Variants in LRRC37A2 observed in about 807,000 individuals in gnomAD.
The protein encoded by LRRC37A2 is leucine-rich repeat-containing protein 37A2.
A neutral mutation model predicts 68.8 loss-of-function variants in LRRC37A2; 9 were observed. The ratio of observed to expected loss-of-function variants is 0.13; its 90% confidence interval spans 0.08 to 0.23. The LOEUF (loss-of-function observed/expected upper bound fraction) is 0.23, where lower values mean the gene tolerates loss of function less well. LRRC37A2 is among the 10% of genes least tolerant of loss of function. The pLI is 1.00. For synonymous variants in LRRC37A2, 63 were observed against 367.6 expected (o/e 0.17, Z 9.48); for missense variants, 168 against 950.4 (o/e 0.18, Z 10.82).
At chr17:46,786,972 C>G in the LRRC37A2 span, among the ~76,000 whole-genome samples, 1 of 150,492 alleles carries the variant, frequency 6.6e-6, no homozygotes, top group Non-Finnish European at 1.5e-5. Flanking sequence ...GGGTCTCACT[C>G]TGTCACACAG....
chr17:46,758,442 G>A, the LRRC37A2 span, among the ~76,000 whole-genome samples: 1 of 152,234 alleles, frequency 6.6e-6, no homozygotes, highest in African/African-American at 2.4e-5. Context: ...TGAGATTACA[G>A]AACGGCCTGT....
the LRRC37A2 span, chr17:46,924,606 C>T: frequency 2.5e-4 from 38 of 152,296 alleles, no homozygotes; most frequent in African/African-American, 8.2e-4. Context: ...TCCTCTTTCT[C>T]TTTCATTTTC....
chr17:46,792,145 C>T, the LRRC37A2 span, among the ~76,000 whole-genome samples: 12 of 152,242 alleles, frequency 7.9e-5, no homozygotes, highest in Admixed American at 2.0e-4. Context: ...GTGTTCGACA[C>T]AAAAGGCAAA....
chr17:46,732,695 A>G, the LRRC37A2 span, among the ~76,000 whole-genome samples: 1 of 152,178 alleles, frequency 6.6e-6, no homozygotes, highest in Non-Finnish European at 1.5e-5. Flanking sequence ...TTTAAAACCA[A>G]TTAAAAGCTT....
At chr17:46,931,815 C>T in the LRRC37A2 span, 1 of 556,118 alleles carries the variant, frequency 1.8e-6, no homozygotes, top group Non-Finnish European at 3.2e-6. Flanking sequence ...TGTCATGCAT[C>T]CAGAATCAGA....
At chr17:46,696,357 C>T in the LRRC37A2 span, among the ~76,000 whole-genome samples, 26 of 140,816 alleles carry the variant, frequency 1.8e-4, 3 homozygotes, top group Admixed American at 7.4e-4. Flanking sequence ...TTAAGCTGCC[C>T]TCAGTCTAAC....
the LRRC37A2 span, chr17:46,940,422 T>C: frequency 6.3e-7 from 1 of 1,598,220 alleles, no homozygotes; most frequent in South Asian, 1.1e-5. Context: ...TAGATCTGTC[T>C]AACTCTGGGG....
chr17:46,942,930 G>A, the LRRC37A2 span, among the ~76,000 whole-genome samples: 5 of 152,010 alleles, frequency 3.3e-5, no homozygotes, highest in Non-Finnish European at 5.9e-5. Flanking sequence ...ATCCCTCCCC[G>A]CCTCATCCCC....
chr17:46,970,648 C>T, the LRRC37A2 span, among the ~76,000 whole-genome samples: 3 of 151,928 alleles, frequency 2.0e-5, no homozygotes, highest in Admixed American at 6.6e-5. Flanking sequence ...AGCCTGTCTG[C>T]GAGGCAGGGG....
At chr17:46,819,657 C>T in the LRRC37A2 span, among the ~76,000 whole-genome samples, 1 of 152,222 alleles carries the variant, frequency 6.6e-6, no homozygotes, top group African/African-American at 2.4e-5. This position sits in a 1 kb window ranked among gnomAD's most constrained non-coding sequence, Gnocchi z 5.3. Flanking sequence ...GCCTGAGGCC[C>T]CGGTTCTACT....
the LRRC37A2 span, among the ~76,000 whole-genome samples, chr17:46,724,416 C>T: frequency 6.6e-6 from 1 of 152,136 alleles, no homozygotes; most frequent in Admixed American, 6.5e-5. Flanking sequence ...AATAGAGGCC[C>T]CGCCTTACAT....
the LRRC37A2 span, chr17:46,830,580 A>G: frequency 2.5e-6 from 1 of 398,352 alleles, no homozygotes; most frequent in East Asian, 3.6e-5. Context: ...ATCAGAGTAC[A>G]TGGCATAACC....
At chr17:46,945,536 C>G in the LRRC37A2 span, among the ~76,000 whole-genome samples, 7 of 152,314 alleles carry the variant, frequency 4.6e-5, no homozygotes, top group East Asian at 1.4e-3. Flanking sequence ...AGTTTCCTGT[C>G]TGTATTCAGC....
chr17:46,947,737 C>G, the LRRC37A2 span, among the ~76,000 whole-genome samples: 1 of 152,132 alleles, frequency 6.6e-6, no homozygotes, highest in South Asian at 2.1e-4. Context: ...GCAAAAGTGC[C>G]TGTATTTGAG....
At chr17:46,991,266 G>C in the LRRC37A2 span, among the ~76,000 whole-genome samples, 1 of 152,080 alleles carries the variant, frequency 6.6e-6, no homozygotes, top group Non-Finnish European at 1.5e-5. Flanking sequence ...CCAACAGAAT[G>C]ACTTCTTATC....
chr17:46,711,130 A>G, the LRRC37A2 span: 13 of 1,492,896 alleles, frequency 8.7e-6, no homozygotes, highest in Middle Eastern at 1.8e-4. Context: ...GTGAGAATGA[A>G]TGAGGAGATG....
the LRRC37A2 span, among the ~76,000 whole-genome samples, chr17:46,496,606 A>AG: frequency 4.0e-3 from 314 of 77,874 alleles, 3 homozygotes; most frequent in East Asian, 9.3e-3. Context: ...CCATCTCAAA[A>AG]GAAAAAAAAA....
At chr17:46,711,151 T>A in the LRRC37A2 span, 2 of 1,463,576 alleles carry the variant, frequency 1.4e-6, no homozygotes, top group Admixed American at 5.8e-5. Context: ...GCATTAAAAG[T>A]TAAAGGAAAA....
the LRRC37A2 span, among the ~76,000 whole-genome samples, chr17:46,969,469 G>C: frequency 6.6e-6 from 1 of 152,182 alleles, no homozygotes; most frequent in Admixed American, 6.5e-5. Context: ...TGAGAGAGCT[G>C]CACAGGACCC....
Sources: allele counts gnomAD v4.1 joint callset (sites outside exome capture counted in the v4.1 genomes callset), GRCh38; gene constraint gnomAD v4.1.1; non-coding constraint Gnocchi (gnomAD v3.1); transcripts MANE v1.5; gene names NCBI Gene and HGNC (gene_info 2026-07-23, HGNC 2026-07-21).